Variants in RIMS1 observed in about 807,000 individuals in gnomAD.
RIMS1 encodes regulating synaptic membrane exocytosis 1.
Under a neutral mutation model 214.1 loss-of-function variants are expected in RIMS1, and 83 were observed. The ratio of observed to expected loss-of-function variants is 0.39; its 90% CI spans 0.32 to 0.47. The LOEUF is 0.47. Ranked by LOEUF, RIMS1 falls within the 20% of genes least tolerant of loss-of-function variation. The probability of loss-of-function intolerance (pLI) is 0.99; values close to 1 mark genes in which losing one functional copy is unlikely to be tolerated. For missense variants in RIMS1, 2,050 were observed against 2,161.8 expected (o/e 0.95, Z 1.03); for synonymous variants, 793 against 786.8 (o/e 1.01, Z -0.13).
Position 72,182,472 on chromosome 6 carries a change from G to C in RIMS1, c.1001G>C (p.Arg334Pro), listed in dbSNP as rs776183865. ...SQDYPDTPEK[R>P]DEGKAADEEK... The stretch of plus-strand genomic sequence containing the variant: ...GATTACCCAGACACGCCGGAAAAAC[G>C]GGATGAGGGCAAAGCGGCGGATGAG... The change falls in exon 6 of 34, where the codon CGG (arginine) becomes CCG (proline). Residue 334 changes from arginine to proline, a missense_variant. Around this residue, in one of 6 missense-constraint regions of RIMS1, gnomAD observed 882 missense variants for 828.9 expected, o/e 1.06. Transcript: ENST00000521978. The C allele has an allele frequency of 6.2e-7, 1 of 1,613,292 alleles. No homozygotes were observed. Among genetic ancestry groups the C allele is most frequent in the Non-Finnish European group, 8.5e-7 (1 of 1,179,578 alleles).
Position 71,928,654 on chromosome 6 carries a change from CT to C in RIMS1, c.165-40322del, listed in dbSNP as rs1407963060. On this transcript the variant is annotated intron_variant, in intron 1 of 33. Transcript: ENST00000521978. ...CATTTTGACTAAAAATTAGCTAATA[CT>C]TTTTTTCTTCATCAAGTCCTTGAAT... Among the ~76,000 whole-genome samples the C allele has an allele frequency of 3.9e-5, 6 of 152,114 alleles. 1 individual carries two copies. Among genetic ancestry groups the C allele is most frequent in the Non-Finnish European group, 8.8e-5 (6 of 67,964 alleles).
At chr6:71,901,854 G>T (rs148877995) in intron 1 of RIMS1, among the ~76,000 whole-genome samples, 1 of 151,976 alleles carries the variant, frequency 6.6e-6, no homozygotes, top group Non-Finnish European at 1.5e-5. Flanking sequence ...TATTGTATTC[G>T]GTAACAAGGA....
At chr6:72,147,932 CA>C (rs1224241363) in intron 4 of RIMS1, among the ~76,000 whole-genome samples, 2 of 152,128 alleles carry the variant, frequency 1.3e-5, no homozygotes, top group African/African-American at 2.4e-5. Context: ...ATGTTTTTGC[CA>C]GCATCCCAGG....
At chr6:71,936,300 C>G (rs1272560106) in intron 1 of RIMS1, among the ~76,000 whole-genome samples, 1 of 126,182 alleles carries the variant, frequency 7.9e-6, no homozygotes, top group Non-Finnish European at 1.6e-5. Flanking sequence ...GCACTCCAGC[C>G]TGGGCGACAG....
At chr6:72,165,788 A>G (rs1486968127) in intron 4 of RIMS1, among the ~76,000 whole-genome samples, 1 of 152,126 alleles carries the variant, frequency 6.6e-6, no homozygotes, top group Admixed American at 6.5e-5. Context: ...GAGAATAATG[A>G]ATGAGGAGGC....
At chr6:71,954,630 C>T (rs1317708024) in intron 1 of RIMS1, among the ~76,000 whole-genome samples, 1 of 151,726 alleles carries the variant, frequency 6.6e-6, no homozygotes, top group Non-Finnish European at 1.5e-5. Context: ...ATTCTACTGG[C>T]ATGAAGGATG....
intron 26 of RIMS1, among the ~76,000 whole-genome samples, chr6:72,297,476 G>C (rs1010898317): frequency 1.3e-5 from 2 of 151,954 alleles, no homozygotes; most frequent in African/African-American, 4.8e-5. Flanking sequence ...GCTGTACCTA[G>C]CTAAATAAAA....
chr6:72,040,904 T>G (rs887985264), intron 2 of RIMS1, among the ~76,000 whole-genome samples: 1 of 151,904 alleles, frequency 6.6e-6, no homozygotes, highest in African/African-American at 2.4e-5. Context: ...TAAAAAATAT[T>G]TGGTGTGTCC....
chr6:71,967,365 G>A (rs1379867677), intron 1 of RIMS1, among the ~76,000 whole-genome samples: 1 of 151,920 alleles, frequency 6.6e-6, no homozygotes, highest in African/African-American at 2.4e-5. Context: ...TCCATCCTGG[G>A]CAACAGAGCG....
At chr6:72,184,177 C>A (rs2048777976) in intron 6 of RIMS1, among the ~76,000 whole-genome samples, 1 of 152,140 alleles carries the variant, frequency 6.6e-6, no homozygotes, top group South Asian at 2.1e-4. Context: ...AGTGCAATAC[C>A]ATTAACTTTG....
chr6:72,400,215 T>C (rs181732191), intron 33 of RIMS1, among the ~76,000 whole-genome samples: 2,240 of 152,298 alleles, frequency 0.015, 42 homozygotes, highest in African/African-American at 0.052. Context: ...AATACTCTTA[T>C]GTATTTATTT....
chr6:72,262,328 A>G (rs117344375), intron 19 of RIMS1: 26,234 of 957,406 alleles, frequency 0.027, 382 homozygotes, highest in Non-Finnish European at 0.029. Context: ...TAGTCTCTGT[A>G]TGTTGACTTT....
intron 2 of RIMS1, among the ~76,000 whole-genome samples, chr6:72,042,145 G>C (rs1232056285): frequency 2.0e-5 from 3 of 151,818 alleles, no homozygotes; most frequent in African/African-American, 7.2e-5. Context: ...ATTGGTATTA[G>C]TTTTGTCACA....
chr6:72,322,381 A>G (rs2096219187), intron 28 of RIMS1, among the ~76,000 whole-genome samples: 2 of 152,126 alleles, frequency 1.3e-5, no homozygotes, highest in South Asian at 4.1e-4. Flanking sequence ...TTACAAATAA[A>G]CTGGTATAGC....
intron 2 of RIMS1, among the ~76,000 whole-genome samples, chr6:72,026,456 C>CA (rs1491579793): frequency 4.2e-5 from 1 of 23,716 alleles, no homozygotes; most frequent in Non-Finnish European, 1.4e-4. Flanking sequence ...CCCAGCACCG[C>CA]CCCCCCCCCC....
At chr6:72,133,243 T>C (rs2040742807) in intron 4 of RIMS1, among the ~76,000 whole-genome samples, 1 of 144,366 alleles carries the variant, frequency 6.9e-6, no homozygotes, top group Non-Finnish European at 1.6e-5. Context: ...TTTTTTTTTT[T>C]TCCTGATACA....
At chr6:72,110,676 T>C (rs1238492499) in intron 4 of RIMS1, among the ~76,000 whole-genome samples, 2 of 151,418 alleles carry the variant, frequency 1.3e-5, no homozygotes, top group East Asian at 1.9e-4. Flanking sequence ...CCTCTTTTCC[T>C]AATTGAATAC....
intron 2 of RIMS1, among the ~76,000 whole-genome samples, chr6:72,068,138 A>G (rs1464111563): frequency 2.0e-5 from 3 of 150,682 alleles, no homozygotes; most frequent in African/African-American, 7.2e-5. Flanking sequence ...AAAACATCCC[A>G]CAGGGCAGGG....
intron 28 of RIMS1, among the ~76,000 whole-genome samples, chr6:72,332,095 A>G (rs2096680164): frequency 1.3e-5 from 2 of 151,784 alleles, no homozygotes; most frequent in African/African-American, 4.8e-5. Context: ...CATAATCCCA[A>G]CACTTTCTGT....
Sources: allele counts gnomAD v4.1 joint callset (sites outside exome capture counted in the v4.1 genomes callset), GRCh38; gene constraint gnomAD v4.1.1; regional missense constraint gnomAD v4.1.1; transcripts MANE v1.5; gene names NCBI Gene and HGNC (gene_info 2026-07-23, HGNC 2026-07-21).